GRIK2: variants seen among roughly 807,000 people sequenced by gnomAD.
GRIK2 encodes the protein glutamate receptor ionotropic, kainate 2.
GRIK2 carries 32 observed loss-of-function variants against 100.3 expected under a neutral mutation model. The observed-to-expected ratio is 0.32, with a 90% confidence interval of 0.24 to 0.43. The LOEUF (loss-of-function observed/expected upper bound fraction) is 0.43, where lower values mean the gene tolerates loss of function less well. Among genes scored for constraint, GRIK2 ranks in the 20% least tolerant of loss-of-function variants. The pLI, the probability that GRIK2 is intolerant of heterozygous loss-of-function variation, is 1.00. For missense variants in GRIK2, 843 were observed against 1,114.9 expected, an observed-to-expected ratio of 0.76 and a Z score of 3.47; for synonymous variants, 417 against 389.4, an observed-to-expected ratio of 1.07 and a Z score of -0.83.
At chr6:101,850,231 G>A (rs1024292596) in intron 10 of GRIK2, among the ~76,000 whole-genome samples, 3 of 151,912 alleles carry the variant, frequency 2.0e-5, no homozygotes, top group African/African-American at 7.2e-5. Flanking sequence ...CCACTAGATT[G>A]GGAGTTTCAT....
At position 101,802,411 on chromosome 6, in the gene GRIK2, C is replaced by A. The variant is rs138087659; in HGVS notation, c.1176C>A (p.Ile392=). The A allele has an allele frequency of 8.9e-6, 14 of 1,574,606 alleles. No individual in the cohort carries two copies. In the East Asian group the frequency reaches 2.7e-4, roughly 31 times the overall value. Residue 392 remains isoleucine, a synonymous_variant, in exon 9 of 17, where the codon ATC becomes ATA. Transcript: ENST00000369134. ...GAACAGATTTTGATTTGGATGTGAT[C>A]AGTCTGAAGGAAGAAGGTCTAGAAA... ...GLRTDFDLDV[I]SLKEEGLEKI...
chr6:101,409,596 G>T (rs926392496), intron 2 of GRIK2, among the ~76,000 whole-genome samples: 2 of 151,906 alleles, frequency 1.3e-5, no homozygotes, highest in Admixed American at 1.3e-4. Flanking sequence ...AGTTGTTTGG[G>T]TCATGAATTT....
At chr6:101,532,238 CTCTT>C (rs1775477719) in intron 2 of GRIK2, among the ~76,000 whole-genome samples, 1 of 151,926 alleles carries the variant, frequency 6.6e-6, no homozygotes, top group African/African-American at 2.4e-5. Context: ...CTCTATAATG[CTCTT>C]TCTTCTATTC....
intron 12 of GRIK2, among the ~76,000 whole-genome samples, chr6:101,905,878 G>T (rs34547135): frequency 0.27 from 40,407 of 151,060 alleles, 5,937 homozygotes; most frequent in South Asian, 0.34. Context: ...TTTATTTATT[G>T]TTTGATTAAA....
chr6:101,469,852 A>T (rs1436763997), intron 2 of GRIK2, among the ~76,000 whole-genome samples: 1 of 152,166 alleles, frequency 6.6e-6, no homozygotes. Flanking sequence ...ATCTTCATCT[A>T]AATAGTCCTC....
At chr6:101,774,706 T>C (rs1297612558) in intron 7 of GRIK2, among the ~76,000 whole-genome samples, 7 of 152,166 alleles carry the variant, frequency 4.6e-5, no homozygotes, top group African/African-American at 7.2e-5. Flanking sequence ...CTTTAATCAT[T>C]TATATTTAAA....
chr6:101,903,607 A>G (rs1466413942), intron 12 of GRIK2, among the ~76,000 whole-genome samples: 3 of 151,694 alleles, frequency 2.0e-5, no homozygotes, highest in Admixed American at 6.6e-5. Context: ...TTGAAATTCA[A>G]ATTTGCCGAA....
intron 11 of GRIK2, among the ~76,000 whole-genome samples, chr6:101,863,704 CTG>C (rs1484409967): frequency 2.6e-5 from 4 of 152,226 alleles, no homozygotes; most frequent in Admixed American, 2.0e-4. Context: ...TACTTCTTAA[CTG>C]TGCAAATTTG....
intron 2 of GRIK2, among the ~76,000 whole-genome samples, chr6:101,535,576 T>A (rs1775651716): frequency 1.3e-5 from 2 of 151,416 alleles, no homozygotes; most frequent in Admixed American, 1.3e-4. Flanking sequence ...TTATTTCAGT[T>A]GTTAATATAT....
chr6:101,532,538 C>CTT (rs34312287), intron 2 of GRIK2, among the ~76,000 whole-genome samples: 200 of 146,170 alleles, frequency 1.4e-3, no homozygotes, highest in East Asian at 9.4e-3. Context: ...CTGGGGAGAC[C>CTT]TTTTTTTTTT....
At chr6:101,734,736 G>A (rs1040043049) in intron 7 of GRIK2, among the ~76,000 whole-genome samples, 2 of 152,174 alleles carry the variant, frequency 1.3e-5, no homozygotes, top group Admixed American at 1.3e-4. Flanking sequence ...TAAGGAAAAT[G>A]ACAACCCATT....
intron 7 of GRIK2, among the ~76,000 whole-genome samples, chr6:101,772,076 A>T (rs1161331619): frequency 1.3e-5 from 2 of 152,160 alleles, no homozygotes; most frequent in African/African-American, 4.8e-5. Flanking sequence ...CCAGGTGCCC[A>T]AAGAAAGTCC....
intron 14 of GRIK2, among the ~76,000 whole-genome samples, chr6:102,034,264 T>A (rs1298919722): frequency 6.6e-6 from 1 of 151,414 alleles, no homozygotes; most frequent in African/African-American, 2.4e-5. Context: ...AGTGCCAGGA[T>A]TTTTCTCTGT....
chr6:101,440,979 T>A (rs1387004131), intron 2 of GRIK2, among the ~76,000 whole-genome samples: 1 of 151,830 alleles, frequency 6.6e-6, no homozygotes, highest in Non-Finnish European at 1.5e-5. Flanking sequence ...TGAATTTTTT[T>A]TTTTTTTTTT....
intron 7 of GRIK2, among the ~76,000 whole-genome samples, chr6:101,782,599 A>G (rs1779165593): frequency 6.6e-6 from 1 of 152,116 alleles, no homozygotes; most frequent in Non-Finnish European, 1.5e-5. Flanking sequence ...TTCTTTACCT[A>G]TTCATGTGCT....
chr6:101,989,729 T>A (rs1794248925), intron 14 of GRIK2, among the ~76,000 whole-genome samples: 1 of 151,572 alleles, frequency 6.6e-6, no homozygotes, highest in Admixed American at 6.6e-5. Flanking sequence ...CTAAAAAGTT[T>A]TATTTTGCAG....
intron 13 of GRIK2, among the ~76,000 whole-genome samples, chr6:101,926,201 T>TG (rs1226307016): frequency 0.014 from 2,044 of 142,380 alleles, 42 homozygotes; most frequent in African/African-American, 0.043. Flanking sequence ...AAGGGTTTTT[T>TG]TTTTTTTTTT....
At chr6:102,016,768 G>T (rs1231669058) in intron 14 of GRIK2, among the ~76,000 whole-genome samples, 2 of 151,988 alleles carry the variant, frequency 1.3e-5, no homozygotes, top group African/African-American at 2.4e-5. Context: ...TTCAGGAAAT[G>T]CAGAGAACTC....
At chr6:102,040,177 A>C (rs1770490758) in intron 15 of GRIK2, among the ~76,000 whole-genome samples, 1 of 151,568 alleles carries the variant, frequency 6.6e-6, no homozygotes, top group Non-Finnish European at 1.5e-5. Context: ...GTAAAGATAA[A>C]GTGGACATAT....
Sources: gnomAD v4.1 joint callset for allele counts (sites outside exome capture counted in the v4.1 genomes callset) on GRCh38, gnomAD v4.1.1 for gene constraint, MANE v1.5 for transcripts, NCBI Gene and HGNC (gene_info 2026-07-23, HGNC 2026-07-21) for gene names.